GPR35: variants seen among roughly 807,000 people sequenced by gnomAD.
The protein encoded by GPR35 is G protein-coupled receptor 35, also known as KYNA receptor.
For missense variants in GPR35, 372 were observed against 422.5 expected (o/e 0.88, Z 1.05); for synonymous variants, 207 against 198.4 (o/e 1.04, Z -0.36).
At chr2:240,616,493 G>A (rs370914706) in exon 3 of GPR35, 20 of 780,414 alleles carry the variant, frequency 2.6e-5, no homozygotes, top group Admixed American at 1.0e-4. Flanking sequence ...AGTCAGCTCC[G>A]ATACTTCACC....
In GPR35 at chr2:240,625,514, A is replaced by C; in HGVS notation, c.-59A>C. On this transcript the variant is annotated 5_prime_UTR_variant, in exon 1 of 2. Coordinates refer to ENST00000407714, the MANE Select transcript of GPR35 (RefSeq NM_005301.5). Reference sequence around the variant, plus strand: ...AGCCCTTCTCAGACAGCCACTGTGCAGGCTTTGGCAGCGGGGGTCACACAC... The same window carrying C: ...AGCCCTTCTCAGACAGCCACTGTGCCGGCTTTGGCAGCGGGGGTCACACAC... The C allele has an allele frequency of 1.0e-6, 1 of 985,956 alleles. No individual in the cohort carries two copies. The highest frequency in any genetic ancestry group is 1.2e-6 in the Non-Finnish European group (1 of 830,354). The allele number at this position is 985,956 out of a possible 1,614,324, so 61.1% of individuals were successfully genotyped here. A position where few individuals can be genotyped will look rare whatever the true frequency, so the allele number is the denominator to read the frequency against.
At chr2:240,618,574 G>A (rs1329643236) in intron 4 of GPR35, among the ~76,000 whole-genome samples, 2 of 152,198 alleles carry the variant, frequency 1.3e-5, no homozygotes, top group African/African-American at 4.8e-5. Context: ...CCTTTTACAA[G>A]TTAATTTAAT....
Position 240,630,111 on chromosome 2 carries a change from G to T in GPR35, c.159G>T (p.Thr53=). The stretch of plus-strand genomic sequence containing the variant: ...TCTGCTGCCGCATGCAGCAGTGGAC[G>T]GAGACCCGCATCTACATGACCAACC... ...WVFCCRMQQW[T]ETRIYMTNLA... The change falls in exon 2 of 2, where the codon ACG becomes ACT. Residue 53 remains threonine, a synonymous_variant. Transcript: ENST00000407714. 1.9e-6 allele frequency: 3 copies of T among 1,607,620 alleles called. No homozygotes were observed. The highest frequency in any genetic ancestry group is 8.5e-7 in the Non-Finnish European group (1 of 1,179,698).
At chr2:240,618,351 G>A (rs944979772) in intron 4 of GPR35, among the ~76,000 whole-genome samples, 10 of 152,046 alleles carry the variant, frequency 6.6e-5, no homozygotes, top group African/African-American at 2.2e-4. Flanking sequence ...GGGTTGTGTC[G>A]ACGTACAGAC....
upstream of GPR35, among the ~76,000 whole-genome samples, chr2:240,623,414 A>AGGGTGCAAACAGG (rs2043327454): frequency 7.1e-5 from 2 of 28,232 alleles, no homozygotes; most frequent in Admixed American, 3.6e-4. Flanking sequence ...GCGCAAACAG[A>AGGGTGCAAACAGG]TCGTGAGGGC....
At chr2:240,616,762 A>AAAG (rs1355525443) in intron 3 of GPR35, among the ~76,000 whole-genome samples, 2 of 151,650 alleles carry the variant, frequency 1.3e-5, no homozygotes, top group African/African-American at 4.8e-5. Flanking sequence ...AAAAAAAAAA[A>AAAG]AGTGATGTGT....
At chr2:240,611,290 G>A (rs1449019044) in intron 2 of GPR35, among the ~76,000 whole-genome samples, 2 of 151,996 alleles carry the variant, frequency 1.3e-5, no homozygotes, top group Admixed American at 1.3e-4. Flanking sequence ...CTTTTAACTG[G>A]ATTGTTTACC....
Position 240,632,833 on chromosome 2 carries a change from T to TA in GPR35, c.*1952dup, listed in dbSNP as rs2043464310. 1.3e-5 allele frequency among the ~76,000 whole-genome samples: 2 copies of TA among 152,250 alleles called. No individual in the cohort carries two copies. The highest frequency in any genetic ancestry group is 4.1e-4 in the South Asian group (2 of 4,834). On this transcript the variant is annotated 3_prime_UTR_variant, in exon 2 of 2. Transcript: ENST00000407714. ...AAGAGTCCATACCCAGGAGGGCTGA[T>TA]ATGGTTAGGCTTTGTGTCTCCACCC... is the stretch of plus-strand genomic sequence containing the variant.
intron 2 of GPR35, among the ~76,000 whole-genome samples, chr2:240,613,645 T>G (rs949011899): frequency 6.6e-6 from 1 of 151,858 alleles, no homozygotes; most frequent in Non-Finnish European, 1.5e-5. Flanking sequence ...ACTCTAACCC[T>G]AACCCTAACT....
Position 240,630,115 on chromosome 2 carries a change from A to G in GPR35, c.163A>G (p.Thr55Ala). Residue 55 changes from threonine to alanine, a missense_variant, in exon 2 of 2, where the codon ACC (threonine) becomes GCC (alanine). Transcript: ENST00000407714. ...CTGCCGCATGCAGCAGTGGACGGAG[A>G]CCCGCATCTACATGACCAACCTGGC... ...FCCRMQQWTE[T>A]RIYMTNLAVA... 1 of 1,606,688 alleles carries G rather than the reference A, an allele frequency of 6.2e-7. No homozygotes were observed. The highest frequency in any genetic ancestry group is 8.5e-7 in the Non-Finnish European group (1 of 1,179,546).
chr2:240,625,722 C>G (rs199771595), intron 1 of GPR35, among the ~76,000 whole-genome samples, 154 bp downstream of exon 1: 2 of 103,642 alleles, frequency 1.9e-5, no homozygotes, highest in Non-Finnish European at 4.1e-5. Flanking sequence ...GTTCTCAGAG[C>G]GAGGTGAGGC....
chr2:240,616,695 C>T (rs1210090677), intron 3 of GPR35, among the ~76,000 whole-genome samples: 1 of 150,294 alleles, frequency 6.7e-6, no homozygotes. Flanking sequence ...ATGCAATTCC[C>T]TCCTGAAGGG....
chr2:240,627,442 G>A (rs574355120), intron 1 of GPR35: 1 of 152,226 alleles, frequency 6.6e-6, no homozygotes, highest in East Asian at 1.9e-4. Flanking sequence ...TTATAAACAG[G>A]AAAATTTAAA....
intron 2 of GPR35, among the ~76,000 whole-genome samples, chr2:240,615,787 C>T (rs2043231243): frequency 6.6e-6 from 1 of 152,244 alleles, no homozygotes. Context: ...TACATTTTCT[C>T]TACTTCTACA....
intron 1 of GPR35, chr2:240,627,938 A>G (rs1575469554): frequency 6.6e-6 from 1 of 151,570 alleles, no homozygotes; most frequent in African/African-American, 2.4e-5. Context: ...TCGGGTCCTC[A>G]CCTCCCACGA....
At chr2:240,606,835 G>A (rs1233864704) in intron 2 of GPR35, among the ~76,000 whole-genome samples, 1 of 152,212 alleles carries the variant, frequency 6.6e-6, no homozygotes, top group African/African-American at 2.4e-5. Context: ...GTTGTTTAAG[G>A]AGCCTGAGTC....
At chr2:240,617,317 G>A in exon 4 of GPR35, 1 of 702,414 alleles carries the variant, frequency 1.4e-6, no homozygotes, top group Non-Finnish European at 2.7e-6. Flanking sequence ...AGAGGACCCA[G>A]TTTGGCAGAG....
chr2:240,629,999 C>T lies in GPR35; in HGVS notation c.47C>T (p.Pro16Leu), dbSNP rs764029247. Reference protein sequence around the residue: ...NTCGSSDLTWPPAIKLGFYAY... With the variant: ...NTCGSSDLTWLPAIKLGFYAY... ...TGTGGCTCCAGCGACCTCACCTGGC[C>T]CCCAGCGATCAAGCTGGGCTTCTAC... Residue 16 changes from proline (P) to leucine (L), a missense_variant, in exon 2 of 2, where the codon CCC (proline) becomes CTC (leucine). Transcript: ENST00000407714. The T allele has an allele frequency of 1.2e-6, 2 of 1,611,584 alleles. No homozygotes were observed. Among genetic ancestry groups the T allele is most frequent in the Non-Finnish European group, 1.7e-6 (2 of 1,178,778 alleles).
intron 1 of GPR35, chr2:240,629,737 A>G (rs1347830852): frequency 8.2e-6 from 4 of 486,080 alleles, no homozygotes; most frequent in Non-Finnish European, 1.5e-5. Flanking sequence ...AGCTCAGGAG[A>G]TGGGAAGAGG....
Sources: allele counts gnomAD v4.1 joint callset (sites outside exome capture counted in the v4.1 genomes callset), GRCh38; gene constraint gnomAD v4.1.1; transcripts MANE v1.5; gene names NCBI Gene and HGNC (gene_info 2026-07-23, HGNC 2026-07-21).